The following MALRD1 variants were observed in gnomAD, a reference collection of about 807,000 sequenced individuals.
MALRD1 encodes MAM and LDL-receptor class A domain-containing protein 1.
In MALRD1, 247 loss-of-function variants were observed where a neutral mutation model predicts 242.1. The ratio of observed to expected loss-of-function variants is 1.02; its 90% CI spans 0.92 to 1.13. The LOEUF is 1.13. Among genes scored for constraint, MALRD1 ranks in the 50% most tolerant of loss-of-function variants. The pLI is 0.00. For synonymous variants in MALRD1, 995 were observed against 866.6 expected (o/e 1.15, Z -2.60); for missense variants, 2,989 against 2,533.1 (o/e 1.18, Z -3.86).
chr10:19,323,942 T>C lies in MALRD1; in HGVS notation c.3420-7T>C, dbSNP rs1162678982. The C allele has an allele frequency of 1.3e-6, 2 of 1,550,298 alleles. No homozygotes were observed. ...TCCTTTTATAATATGATAAATTCCT[T>C]TTCCAGAAATACCACTGATGGCTGG... On this transcript the variant is annotated splice_region_variant and splice_polypyrimidine_tract_variant and intron_variant, in intron 21 of 39. Transcript: ENST00000454679.
chr10:19,367,484 T>G (rs945653629), intron 26 of MALRD1, among the ~76,000 whole-genome samples: 3 of 152,124 alleles, frequency 2.0e-5, no homozygotes, highest in African/African-American at 7.2e-5. Context: ...CATTGCATAT[T>G]TTTACCACAT....
intron 11 of MALRD1, among the ~76,000 whole-genome samples, chr10:19,148,130 G>T (rs1226481391): frequency 1.3e-5 from 2 of 152,038 alleles, no homozygotes; most frequent in Admixed American, 1.3e-4. Flanking sequence ...AATGGAGAGG[G>T]TGAAAGGCTG....
At chr10:19,257,534 A>G in intron 18 of MALRD1, 150 bp from the exon 19 acceptor site, 2 of 532,388 alleles carry the variant, frequency 3.8e-6, no homozygotes, top group South Asian at 3.2e-5. Context: ...CAAGATGACC[A>G]CTTCTGGAGA....
chr10:19,161,762 G>A (rs1198555690), intron 12 of MALRD1, among the ~76,000 whole-genome samples: 1 of 152,132 alleles, frequency 6.6e-6, no homozygotes, highest in African/African-American at 2.4e-5. Flanking sequence ...AGGCGCAGTG[G>A]CTCTGGCCTG....
chr10:19,613,517 A>T (rs989632685), intron 35 of MALRD1, among the ~76,000 whole-genome samples: 8 of 152,010 alleles, frequency 5.3e-5, no homozygotes, highest in African/African-American at 1.9e-4. Context: ...TCTCTTAAAA[A>T]TTCAACAACT....
chr10:19,088,610 A>T (rs1441249871), intron 4 of MALRD1, among the ~76,000 whole-genome samples: 1 of 89,996 alleles, frequency 1.1e-5, no homozygotes, highest in Non-Finnish European at 2.1e-5. Flanking sequence ...TTATACTCTA[A>T]GTTTTAGGGT....
At chr10:19,198,088 A>C (rs72786527) in intron 14 of MALRD1, among the ~76,000 whole-genome samples, 21,371 of 152,102 alleles carry the variant, frequency 0.14, 1,583 homozygotes, top group Middle Eastern at 0.2. Flanking sequence ...GTGCAGTGGC[A>C]TGATCTCGGC....
At chr10:19,064,857 C>T (rs1834923739) in intron 1 of MALRD1, among the ~76,000 whole-genome samples, 1 of 151,440 alleles carries the variant, frequency 6.6e-6, no homozygotes, top group Admixed American at 6.6e-5. Context: ...CTGCTTCATG[C>T]GGAGCAGGAC....
intron 35 of MALRD1, among the ~76,000 whole-genome samples, chr10:19,614,816 A>G (rs1839066802): frequency 6.6e-6 from 1 of 152,088 alleles, no homozygotes; most frequent in Non-Finnish European, 1.5e-5. Context: ...TTGATCGTGG[A>G]TGCAGAGGTA....
chr10:19,296,688 T>A (rs72782340), intron 21 of MALRD1, among the ~76,000 whole-genome samples: 150 of 152,234 alleles, frequency 9.9e-4, no homozygotes, highest in Non-Finnish European at 1.8e-3. Flanking sequence ...TGGCTATTCA[T>A]GTATTGATTT....
At chr10:19,642,813 TA>T (rs1840453757) in intron 36 of MALRD1, among the ~76,000 whole-genome samples, 1 of 152,088 alleles carries the variant, frequency 6.6e-6, no homozygotes, top group African/African-American at 2.4e-5. Context: ...GTATTACTAA[TA>T]GGGGGTATAA....
rs1011890675 is a variant in MALRD1, at chr10:19,454,431, T to TAC, written c.5029+3942_5029+3943insCA. Among the ~76,000 whole-genome samples, 281 of 136,680 alleles carry TAC rather than the reference T, an allele frequency of 2.1e-3. 4 individuals carry two copies. Among genetic ancestry groups the TAC allele is most frequent in the Non-Finnish European group, 1.3e-3 (85 of 63,550 alleles). 89.7% of individuals were successfully genotyped at this position (136,680 alleles called of 152,430 possible). ...ATATATATATATATATATATATATATAATTATATGATACATACATATAAAT... is the reference window on the plus strand; with the variant it reads ...ATATATATATATATATATATATATATACAATTATATGATACATACATATAAAT... On this transcript the variant is annotated intron_variant, in intron 29 of 39. Transcript: ENST00000454679.
chr10:19,054,404 A>AT (rs372320056), intron 1 of MALRD1, among the ~76,000 whole-genome samples: 4 of 151,724 alleles, frequency 2.6e-5, no homozygotes, highest in Non-Finnish European at 4.4e-5. Context: ...TCACTTATCA[A>AT]TTTTTTTTGT....
intron 38 of MALRD1, among the ~76,000 whole-genome samples, chr10:19,711,777 A>C (rs1834131301): frequency 6.6e-6 from 1 of 152,228 alleles, no homozygotes; most frequent in Admixed American, 6.5e-5. Context: ...TCACTGAGAC[A>C]ACAAGTATTG....
chr10:19,245,218 T>A (rs1473833116), intron 18 of MALRD1, among the ~76,000 whole-genome samples: 1 of 152,210 alleles, frequency 6.6e-6, no homozygotes, highest in African/African-American at 2.4e-5. Flanking sequence ...GCATTATTTT[T>A]AACTATAATC....
intron 32 of MALRD1, among the ~76,000 whole-genome samples, chr10:19,542,693 G>C (rs1410746432): frequency 1.3e-5 from 2 of 152,032 alleles, no homozygotes; most frequent in African/African-American, 4.8e-5. Context: ...TTCTCAGTTG[G>C]ATACAAAGAT....
At chr10:19,288,214 A>G (rs1362465657) in intron 21 of MALRD1, among the ~76,000 whole-genome samples, 1 of 152,024 alleles carries the variant, frequency 6.6e-6, no homozygotes, top group Non-Finnish European at 1.5e-5. Context: ...TGGACTGCAT[A>G]AGGTGTTTTG....
chr10:19,504,426 A>G (rs917664014), intron 31 of MALRD1, among the ~76,000 whole-genome samples: 6 of 151,436 alleles, frequency 4.0e-5, no homozygotes, highest in African/African-American at 1.5e-4. Context: ...GAGTAGAGAG[A>G]GACTCCCCTA....
chr10:19,221,525 G>A (rs995412803), intron 18 of MALRD1, among the ~76,000 whole-genome samples: 5 of 152,086 alleles, frequency 3.3e-5, no homozygotes, highest in African/African-American at 1.2e-4. Context: ...AAATGTAACG[G>A]CAGTTTATTA....
Sources: gnomAD v4.1 joint callset for allele counts (sites outside exome capture counted in the v4.1 genomes callset) on GRCh38, gnomAD v4.1.1 for gene constraint, MANE v1.5 for transcripts, NCBI Gene and HGNC (gene_info 2026-07-23, HGNC 2026-07-21) for gene names.